STX3: variants seen among roughly 807,000 people sequenced by gnomAD.
The protein encoded by STX3 is syntaxin-3.
A neutral mutation model predicts 40.2 loss-of-function variants in STX3; 19 were observed. The ratio of observed to expected loss-of-function variants is 0.47; its 90% CI spans 0.33 to 0.69. The LOEUF is 0.69. STX3 is among the 30% of genes least tolerant of loss of function. The pLI, the probability that STX3 is intolerant of heterozygous loss-of-function variation, is 0.02. For missense variants in STX3, 364 were observed against 366.7 expected, an observed-to-expected ratio of 0.99 and a Z score of 0.06; for synonymous variants, 122 against 132.2, an observed-to-expected ratio of 0.92 and a Z score of 0.53.
intron 1 of STX3, among the ~76,000 whole-genome samples, chr11:59,757,448 T>C (rs949565527): frequency 1.3e-5 from 2 of 152,186 alleles, no homozygotes; most frequent in Non-Finnish European, 2.9e-5. Context: ...CAAAGAGTCT[T>C]AACTGAGCTT....
intron 10 of STX3, chr11:59,800,256 C>G: frequency 1.0e-6 from 1 of 985,374 alleles, no homozygotes; most frequent in Non-Finnish European, 1.2e-6. Context: ...AGAGAGGTCT[C>G]TGAACAGGAG....
chr11:59,762,687 A>G (rs1389779657), intron 1 of STX3, among the ~76,000 whole-genome samples: 2 of 149,888 alleles, frequency 1.3e-5, no homozygotes, highest in African/African-American at 5.0e-5. Flanking sequence ...TGGTGTCCAG[A>G]GGCCAGGACA....
At chr11:59,769,693 A>G (rs1355446519) in intron 1 of STX3, among the ~76,000 whole-genome samples, 1 of 152,130 alleles carries the variant, frequency 6.6e-6, no homozygotes. Context: ...TGGAGTGATA[A>G]GTGTCTGCCT....
Position 59,793,159 on chromosome 11 carries a change from T to C in STX3, c.527T>C (p.Ile176Thr). ...ATGTTGGAGAGTGGCAACCCGGCCA[T>C]CTTCACTTCTGGGGTGAGTGCCCTG... ...EEMLESGNPA[I>T]FTSGIIDSQI... The change falls in exon 7 of 11, where the codon ATC (isoleucine) becomes ACC (threonine). Residue 176 changes from isoleucine to threonine, a missense_variant. Physicochemically the swap from Ile to Thr is moderately conservative, Grantham distance 89. Transcript: ENST00000337979. The C allele has an allele frequency of 6.2e-7, 1 of 1,613,388 alleles. No homozygotes were observed. Among genetic ancestry groups the C allele is most frequent in the South Asian group, 1.1e-5 (1 of 90,880 alleles).
intron 10 of STX3, chr11:59,800,057 G>GT: frequency 1.0e-6 from 1 of 985,388 alleles, no homozygotes; most frequent in Non-Finnish European, 1.2e-6. Flanking sequence ...TTTTCAGGAC[G>GT]TAACTCCTCA....
chr11:59,787,517 A>C, intron 3 of STX3, among the ~76,000 whole-genome samples: 1 of 152,166 alleles, frequency 6.6e-6, no homozygotes, highest in Non-Finnish European at 1.5e-5. Flanking sequence ...TACCAGATCA[A>C]GTCCATTTTT....
chr11:59,768,370 G>A (rs1863390743), intron 1 of STX3, among the ~76,000 whole-genome samples: 1 of 152,182 alleles, frequency 6.6e-6, no homozygotes, highest in South Asian at 2.1e-4. Context: ...TTGAAGTTGA[G>A]ACTGCAACTC....
chr11:59,772,778 AC>A (rs1189672802), intron 1 of STX3, among the ~76,000 whole-genome samples: 5 of 152,138 alleles, frequency 3.3e-5, no homozygotes, highest in Non-Finnish European at 4.4e-5. Context: ...CAGCAACAAA[AC>A]CTAGCATGTG....
intron 2 of STX3, among the ~76,000 whole-genome samples, chr11:59,776,611 T>C (rs1441684665): frequency 1.3e-5 from 2 of 152,220 alleles, no homozygotes; most frequent in Non-Finnish European, 2.9e-5. Flanking sequence ...TAAAACTTAC[T>C]GTTTGGACTG....
chr11:59,793,019 G>C, intron 6 of STX3, 80 bp from the exon 7 acceptor site: 2 of 1,431,280 alleles, frequency 1.4e-6, no homozygotes, highest in Non-Finnish European at 1.9e-6. Flanking sequence ...GGGAAGTCAC[G>C]TTCCTAATTT....
chr11:59,774,272 A>G (rs1265065762), intron 2 of STX3, among the ~76,000 whole-genome samples: 2 of 152,048 alleles, frequency 1.3e-5, no homozygotes, highest in Admixed American at 6.6e-5. Context: ...TGTTGATTTC[A>G]TGAACGTTCC....
chr11:59,802,522 T>G lies in STX3; in HGVS notation c.*1698T>G. 1.0e-6 allele frequency: 1 copy of G among 985,874 alleles called. No individual in the cohort carries two copies. The highest frequency in any genetic ancestry group is 1.2e-6 in the Non-Finnish European group (1 of 829,936). The allele number at this position is 985,874 out of a possible 1,614,324, so 61.1% of individuals were successfully genotyped here. ...CATGGCTATGATGTCAGACAGTGGA[T>G]GGGCTCCAGCAACAAGAGACAAAAT... is the stretch of plus-strand genomic sequence containing the variant. On this transcript the variant is annotated 3_prime_UTR_variant, in exon 11 of 11. Transcript: ENST00000337979.
At position 59,800,931 on chromosome 11, in the gene STX3, G is replaced by C; in HGVS notation, c.*107G>C. The stretch of plus-strand genomic sequence containing the variant: ...TGGAGTCTGAATGGCCTTCCTGAGA[G>C]CGAGTGCGACCCGTTCCTTTGTTTC... On this transcript the variant is annotated 3_prime_UTR_variant, in exon 11 of 11. Coordinates refer to ENST00000337979, the MANE Select transcript of STX3 (RefSeq NM_004177.5). 6.5e-7 allele frequency: 1 copy of C among 1,536,214 alleles called. No homozygotes were observed. Among genetic ancestry groups the C allele is most frequent in the South Asian group, 1.2e-5 (1 of 84,060 alleles).
chr11:59,803,020 A>C lies in STX3; in HGVS notation c.*2196A>C. ...AATGACCATACCAAACATCCTTTTAATCTAACTTGAATGTCTCACCAAAAA... is the reference window on the plus strand; with the variant it reads ...AATGACCATACCAAACATCCTTTTACTCTAACTTGAATGTCTCACCAAAAA... On this transcript the variant is annotated 3_prime_UTR_variant, in exon 11 of 11. Transcript: ENST00000337979. 3 of 953,066 alleles carry C rather than the reference A, an allele frequency of 3.1e-6. No homozygotes were observed. Among genetic ancestry groups the C allele is most frequent in the Non-Finnish European group, 3.7e-6 (3 of 811,144 alleles). 59.0% of individuals were successfully genotyped at this position (953,066 alleles called of 1,614,324 possible). A position where few individuals can be genotyped will look rare whatever the true frequency, so the allele number is the denominator to read the frequency against.
chr11:59,787,528 T>A (rs1368177410), intron 3 of STX3, among the ~76,000 whole-genome samples: 1 of 152,198 alleles, frequency 6.6e-6, no homozygotes, highest in Non-Finnish European at 1.5e-5. Context: ...GTCCATTTTT[T>A]CTTTCCATGA....
At chr11:59,781,253 C>T (rs1864363581) in intron 2 of STX3, 2 of 1,201,124 alleles carry the variant, frequency 1.7e-6, no homozygotes. Context: ...GAGATTTGCT[C>T]ATTGAACTGA....
chr11:59,771,549 G>C (rs1414289327), intron 1 of STX3, among the ~76,000 whole-genome samples: 1 of 152,068 alleles, frequency 6.6e-6, no homozygotes, highest in Non-Finnish European at 1.5e-5. Context: ...GCATGCGGGA[G>C]CCATGCCCAG....
chr11:59,785,812 G>T (rs557226375), intron 2 of STX3, among the ~76,000 whole-genome samples: 198 of 152,354 alleles, frequency 1.3e-3, no homozygotes, highest in Non-Finnish European at 2.4e-3. Context: ...TTGTTGCAAT[G>T]TTGATGTGCC....
At chr11:59,800,004 T>G in intron 10 of STX3, 1 of 985,460 alleles carries the variant, frequency 1.0e-6, no homozygotes, top group Non-Finnish European at 1.2e-6. Context: ...GTGGTGCCCC[T>G]TTCTATTCCT....
Sources: allele counts gnomAD v4.1 joint callset (sites outside exome capture counted in the v4.1 genomes callset), GRCh38; gene constraint gnomAD v4.1.1; transcripts MANE v1.5; gene names NCBI Gene and HGNC (gene_info 2026-07-23, HGNC 2026-07-21).